Variants in CORO2A observed in about 807,000 individuals in gnomAD.
CORO2A encodes coronin-2A.
CORO2A carries 47 observed loss-of-function variants against 62.4 expected under a neutral mutation model. The observed-to-expected ratio is 0.75, with a 90% CI of 0.60 to 0.96. The LOEUF (loss-of-function observed/expected upper bound fraction) is 0.96. Among genes scored for constraint, CORO2A ranks in the 40% least tolerant of loss-of-function variants. The pLI, the probability that CORO2A is intolerant of heterozygous loss-of-function variation, is 0.00. For missense variants in CORO2A, 610 were observed against 684.1 expected, an observed-to-expected ratio of 0.89 and a Z score of 1.21; for synonymous variants, 273 against 268.9, an observed-to-expected ratio of 1.02 and a Z score of -0.15.
intron 1 of CORO2A, among the ~76,000 whole-genome samples, chr9:98,186,770 A>G (rs1421275288): frequency 6.6e-6 from 1 of 152,146 alleles, no homozygotes; most frequent in Non-Finnish European, 1.5e-5. Context: ...TGGTGGTAAG[A>G]AGTGCTAATA....
intron 1 of CORO2A, among the ~76,000 whole-genome samples, chr9:98,175,865 A>C (rs1235490655): frequency 6.6e-6 from 1 of 152,226 alleles, no homozygotes; most frequent in Non-Finnish European, 1.5e-5. Flanking sequence ...CTTAGAACCC[A>C]GCCTGGCACA....
intron 1 of CORO2A, among the ~76,000 whole-genome samples, chr9:98,180,649 G>A (rs192242150): frequency 6.6e-6 from 1 of 152,184 alleles, no homozygotes; most frequent in East Asian, 1.9e-4. Flanking sequence ...AGGTGAAAAT[G>A]CTCCACCTGC....
intron 2 of CORO2A, among the ~76,000 whole-genome samples, chr9:98,152,112 C>T (rs1224016969): frequency 1.9e-4 from 28 of 147,544 alleles, no homozygotes; most frequent in Non-Finnish European, 1.9e-4. Context: ...CCACTGCACC[C>T]GGCCTCTTTT....
At chr9:98,174,633 G>T (rs1828084275) in intron 1 of CORO2A, among the ~76,000 whole-genome samples, 1 of 152,084 alleles carries the variant, frequency 6.6e-6, no homozygotes, top group African/African-American at 2.4e-5. Context: ...GGCTGTTCTG[G>T]TATTACTAAG....
intron 1 of CORO2A, among the ~76,000 whole-genome samples, chr9:98,185,677 A>C (rs1828230376): frequency 6.6e-6 from 1 of 152,248 alleles, no homozygotes; most frequent in African/African-American, 2.4e-5. Flanking sequence ...CCTTAGGAAC[A>C]GCCACAGGAG....
chr9:98,176,538 C>T (rs888064535), intron 1 of CORO2A, among the ~76,000 whole-genome samples: 1 of 152,176 alleles, frequency 6.6e-6, no homozygotes, highest in Non-Finnish European at 1.5e-5. Flanking sequence ...TTGTTTCTGC[C>T]CCTTGACAGC....
intron 1 of CORO2A, among the ~76,000 whole-genome samples, chr9:98,161,762 G>A (rs1827888841): frequency 6.6e-6 from 1 of 152,138 alleles, no homozygotes; most frequent in Non-Finnish European, 1.5e-5. Context: ...TCAACCAAAT[G>A]TGGTGCCTGA....
At chr9:98,143,056 C>T (rs1007161016) in intron 2 of CORO2A, among the ~76,000 whole-genome samples, 3 of 152,212 alleles carry the variant, frequency 2.0e-5, no homozygotes, top group African/African-American at 7.2e-5. Context: ...AGCACTCAGC[C>T]AGAAACAGGC....
intron 1 of CORO2A, among the ~76,000 whole-genome samples, chr9:98,189,094 C>T (rs1828274663): frequency 6.6e-6 from 1 of 152,148 alleles, no homozygotes; most frequent in African/African-American, 2.4e-5. Flanking sequence ...CTTTAAATAC[C>T]TGTATATCTT....
chr9:98,172,620 C>G (rs942739703), intron 1 of CORO2A: 1 of 152,364 alleles, frequency 6.6e-6, no homozygotes, highest in Non-Finnish European at 1.5e-5. Context: ...TTCCGCTACT[C>G]TCTCACCTGC....
intron 2 of CORO2A, among the ~76,000 whole-genome samples, chr9:98,146,983 T>C (rs1250808348): frequency 6.6e-6 from 1 of 152,154 alleles, no homozygotes; most frequent in African/African-American, 2.4e-5. Context: ...AAGAAACATA[T>C]TGGCCAGGTG....
intron 1 of CORO2A, among the ~76,000 whole-genome samples, chr9:98,190,463 G>GA (rs1260909231): frequency 2.6e-5 from 4 of 151,774 alleles, no homozygotes; most frequent in African/African-American, 9.7e-5. Context: ...TTTTTTTGGA[G>GA]AAAAAAAGGC....
chr9:98,165,717 A>C (rs1827950046), intron 1 of CORO2A, among the ~76,000 whole-genome samples: 1 of 152,248 alleles, frequency 6.6e-6, no homozygotes, highest in Non-Finnish European at 1.5e-5. Context: ...CTTCCAGTGC[A>C]TGTGATTCCA....
At chr9:98,171,329 T>G (rs1022179729) in intron 1 of CORO2A, among the ~76,000 whole-genome samples, 9 of 152,144 alleles carry the variant, frequency 5.9e-5, no homozygotes, top group African/African-American at 2.2e-4. Context: ...TGCATTCTGT[T>G]CTCAGCGTGG....
At chr9:98,171,450 G>A (rs7847003) in intron 1 of CORO2A, among the ~76,000 whole-genome samples, 14,828 of 152,264 alleles carry the variant, frequency 0.097, 972 homozygotes, top group East Asian at 0.3. Flanking sequence ...GGGCACTGTA[G>A]GGGAGATGCA....
At chr9:98,126,900 A>G in intron 10 of CORO2A, 77 bp from the exon 11 acceptor site, 3 of 1,498,232 alleles carry the variant, frequency 2.0e-6, no homozygotes, top group Non-Finnish European at 1.8e-6. Context: ...TGACACAGGC[A>G]GGCATGCAGA....
chr9:98,165,650 T>C (rs1435208356), intron 1 of CORO2A, among the ~76,000 whole-genome samples: 1 of 152,196 alleles, frequency 6.6e-6, no homozygotes, highest in Non-Finnish European at 1.5e-5. Context: ...CTTTGCACAT[T>C]AGAATCACTT....
intron 1 of CORO2A, among the ~76,000 whole-genome samples, chr9:98,164,848 T>C (rs1289533623): frequency 2.0e-5 from 3 of 152,202 alleles, no homozygotes; most frequent in Admixed American, 1.3e-4. Context: ...TTGCCTCGGA[T>C]TGTGGAGGGG....
chr9:98,181,334 C>CTTTTTT (rs575456152), intron 1 of CORO2A, among the ~76,000 whole-genome samples: 2 of 112,198 alleles, frequency 1.8e-5, no homozygotes, highest in African/African-American at 3.7e-5. Flanking sequence ...CTCTCTCTTG[C>CTTTTTT]TTTTTTTTTT....
Sources: allele counts gnomAD v4.1 joint callset (sites outside exome capture counted in the v4.1 genomes callset), GRCh38; gene constraint gnomAD v4.1.1; transcripts MANE v1.5; gene names NCBI Gene and HGNC (gene_info 2026-07-23, HGNC 2026-07-21).